Variants in PAN3 observed in about 807,000 individuals in gnomAD.
PAN3 encodes PAN2-PAN3 deadenylation complex subunit PAN3.
PAN3 carries 19 observed loss-of-function variants against 96.2 expected under a neutral mutation model. The ratio of observed to expected loss-of-function variants is 0.20; its 90% CI spans 0.14 to 0.29. PAN3 has a LOEUF of 0.29. Ranked by LOEUF, PAN3 falls within the 10% of genes least tolerant of loss-of-function variation. PAN3 has a pLI of 1.00. For synonymous variants in PAN3, 433 were observed against 406.6 expected (o/e 1.06, Z -0.78); for missense variants, 882 against 1,108.1 (o/e 0.80, Z 2.90).
intron 1 of PAN3, among the ~76,000 whole-genome samples, chr13:28,139,514 T>TGTG (rs1869353072): frequency 2.6e-4 from 24 of 93,134 alleles, no homozygotes; most frequent in Admixed American, 3.4e-4. Flanking sequence ...AGGGGTGTGT[T>TGTG]TGTGTGTGTG....
At chr13:28,143,128 T>C (rs1870092063) in intron 1 of PAN3, among the ~76,000 whole-genome samples, 1 of 152,128 alleles carries the variant, frequency 6.6e-6, no homozygotes, top group South Asian at 2.1e-4. Context: ...TTGTTTTTTT[T>C]GAGGAGGGGG....
intron 6 of PAN3, among the ~76,000 whole-genome samples, chr13:28,251,468 G>A (rs753014312): frequency 2.6e-5 from 4 of 152,216 alleles, no homozygotes; most frequent in Non-Finnish European, 5.9e-5. Flanking sequence ...CGAGTATTGT[G>A]TTGATTTCTT....
intron 1 of PAN3, among the ~76,000 whole-genome samples, chr13:28,158,880 A>G (rs544667466): frequency 8.1e-4 from 117 of 144,276 alleles, no homozygotes; most frequent in African/African-American, 2.9e-3. Flanking sequence ...TCCATCTCAG[A>G]AAAAAAAAAA....
At chr13:28,165,424 C>T (rs1384617884) in intron 1 of PAN3, among the ~76,000 whole-genome samples, 2 of 151,822 alleles carry the variant, frequency 1.3e-5, no homozygotes, top group African/African-American at 4.8e-5. Context: ...TGCCTGGCCC[C>T]ATTTCTTTTA....
intron 1 of PAN3, among the ~76,000 whole-genome samples, chr13:28,142,511 ATTTT>A (rs74881179): frequency 2.4e-5 from 3 of 126,652 alleles, no homozygotes; most frequent in Non-Finnish European, 1.6e-5. Context: ...ATAGATGGCA[ATTTT>A]TTTTTTTTTT....
intron 1 of PAN3, among the ~76,000 whole-genome samples, chr13:28,153,558 T>C (rs1385035830): frequency 6.6e-6 from 1 of 152,102 alleles, no homozygotes; most frequent in South Asian, 2.1e-4. Flanking sequence ...TTAAAAGATA[T>C]GTAAGAAGAA....
At chr13:28,185,678 T>G (rs1229776784) in intron 4 of PAN3, among the ~76,000 whole-genome samples, 1 of 152,156 alleles carries the variant, frequency 6.6e-6, no homozygotes, top group Non-Finnish European at 1.5e-5. Flanking sequence ...AACTGAAATT[T>G]TTTTATGCCT....
intron 6 of PAN3, among the ~76,000 whole-genome samples, chr13:28,245,114 C>T (rs183436754): frequency 9.9e-5 from 15 of 152,116 alleles, no homozygotes; most frequent in African/African-American, 3.1e-4. Context: ...CCCAAAGCGC[C>T]GGGATTATAG....
At chr13:28,269,247 C>T (rs9551458) in intron 12 of PAN3, among the ~76,000 whole-genome samples, 1 of 152,070 alleles carries the variant, frequency 6.6e-6, no homozygotes, top group Non-Finnish European at 1.5e-5. Flanking sequence ...GAGAACCACT[C>T]TTTTATAGCA....
chr13:28,291,813 G>A (rs1387669203), intron 18 of PAN3, among the ~76,000 whole-genome samples: 3 of 152,132 alleles, frequency 2.0e-5, no homozygotes, highest in South Asian at 2.1e-4. Flanking sequence ...CCTGGGCAAC[G>A]AGCGAAACTC....
chr13:28,181,234 T>TA (rs541752641), intron 4 of PAN3, among the ~76,000 whole-genome samples: 76 of 152,164 alleles, frequency 5.0e-4, no homozygotes, highest in African/African-American at 1.6e-3. Context: ...TACAGTCTGT[T>TA]ACAATGGCTC....
At chr13:28,289,332 T>C (rs1411654786) in intron 18 of PAN3, among the ~76,000 whole-genome samples, 1 of 152,120 alleles carries the variant, frequency 6.6e-6, no homozygotes, top group African/African-American at 2.4e-5. Context: ...TATAGTGCAG[T>C]CGCACTTATG....
chr13:28,198,330 T>A (rs1593456204), intron 5 of PAN3, among the ~76,000 whole-genome samples: 1 of 151,420 alleles, frequency 6.6e-6, no homozygotes, highest in Non-Finnish European at 1.5e-5. Context: ...TTACACAAAG[T>A]CACATTTATT....
At chr13:28,284,160 A>G (rs76852615) in intron 17 of PAN3, among the ~76,000 whole-genome samples, 93 of 152,282 alleles carry the variant, frequency 6.1e-4, no homozygotes, top group African/African-American at 2.2e-3. Flanking sequence ...TACTTTTTTC[A>G]AACTCTTAGA....
chr13:28,224,781 A>G (rs1881817354), intron 6 of PAN3, among the ~76,000 whole-genome samples: 1 of 152,146 alleles, frequency 6.6e-6, no homozygotes, highest in Admixed American at 6.5e-5. Flanking sequence ...TGCCAAGTTA[A>G]AAAATTCTTT....
intron 6 of PAN3, among the ~76,000 whole-genome samples, chr13:28,250,008 A>G (rs1166083437): frequency 2.6e-5 from 4 of 152,178 alleles, no homozygotes; most frequent in Admixed American, 6.5e-5. Context: ...GATTGTATAT[A>G]AATTTCAAGT....
At chr13:28,264,485 G>A (rs1885998312) in intron 9 of PAN3, among the ~76,000 whole-genome samples, 1 of 152,136 alleles carries the variant, frequency 6.6e-6, no homozygotes, top group Admixed American at 6.6e-5. Flanking sequence ...GTTGCAGTGA[G>A]ATTGTGCCAT....
At chr13:28,264,321 T>C (rs1885982063) in intron 9 of PAN3, among the ~76,000 whole-genome samples, 1 of 152,130 alleles carries the variant, frequency 6.6e-6, no homozygotes, top group Non-Finnish European at 1.5e-5. Context: ...AGTGGATCAC[T>C]TGAGGTCAGA....
rs375114806 is a variant in PAN3 at position 28,270,838 on chromosome 13, A to G, written c.1930A>G (p.Thr644Ala). The G allele has an allele frequency of 2.0e-5, 32 of 1,613,748 alleles. No individual in the cohort carries two copies. Among genetic ancestry groups the G allele is most frequent in the Non-Finnish European group, 2.5e-5 (29 of 1,179,808 alleles). The change falls in exon 13 of 19, where the codon ACA becomes GCA. Residue 644 changes from threonine (T) to alanine (A), a missense_variant. Thr to Ala is a moderately conservative substitution (Grantham distance 58, BLOSUM62 0). This residue lies in a region of PAN3 where 364 missense variants were observed against 513.6 expected (regional missense o/e 0.71). Coordinates refer to ENST00000380958, the MANE Select transcript of PAN3 (RefSeq NM_175854.8). The part of the protein sequence containing the change: ...AGLACRVMDP[T>A]KILITGKTRL... ...TTTGGCATGTCGAGTTATGGATCCA[A>G]CAAAGATTCTGATAACTGGCAAAAC...
Sources: allele counts gnomAD v4.1 joint callset (sites outside exome capture counted in the v4.1 genomes callset), GRCh38; gene constraint gnomAD v4.1.1; regional missense constraint gnomAD v4.1.1; transcripts MANE v1.5; gene names NCBI Gene and HGNC (gene_info 2026-07-23, HGNC 2026-07-21).